The following SGK1 variants were observed in gnomAD, a reference collection of about 807,000 sequenced individuals.
The protein encoded by SGK1 is serine/threonine-protein kinase Sgk1.
A neutral mutation model predicts 64.2 loss-of-function variants in SGK1; 26 were observed. The ratio of observed to expected loss-of-function variants is 0.40; its 90% confidence interval spans 0.30 to 0.56. The LOEUF (loss-of-function observed/expected upper bound fraction) is 0.56. SGK1 is among the 20% of genes least tolerant of loss of function. The pLI, the probability that SGK1 is intolerant of heterozygous loss-of-function variation, is 0.38. For missense variants in SGK1, 519 were observed against 645.6 expected, an observed-to-expected ratio of 0.80 and a Z score of 2.12; for synonymous variants, 265 against 239.7, an observed-to-expected ratio of 1.11 and a Z score of -0.98.
intron 3 of SGK1, among the ~76,000 whole-genome samples, chr6:134,206,383 ATTTTTTTTTT>A (rs869072819): frequency 7.6e-3 from 125 of 16,522 alleles, no homozygotes; most frequent in African/African-American, 0.023. Flanking sequence ...ATATATATAT[ATTTTTTTTTT>A]TTTTTTTTTT....
intron 2 of SGK1, among the ~76,000 whole-genome samples, chr6:134,211,920 C>A (rs540039666): frequency 6.6e-6 from 1 of 150,868 alleles, no homozygotes. Flanking sequence ...CCTGACTAAG[C>A]AGCCTCAGTA....
At chr6:134,232,173 G>A (rs1269617423) in intron 2 of SGK1, among the ~76,000 whole-genome samples, 1 of 151,586 alleles carries the variant, frequency 6.6e-6, no homozygotes, top group Non-Finnish European at 1.5e-5. Context: ...TGGAGCACGA[G>A]GTCGAGAGTT....
At chr6:134,220,098 GAA>G (rs1776066366) in intron 2 of SGK1, among the ~76,000 whole-genome samples, 2 of 120,762 alleles carry the variant, frequency 1.7e-5, no homozygotes, top group Admixed American at 1.8e-4. Context: ...GAAAAGAAAA[GAA>G]AAGAAAAACA....
intron 2 of SGK1, among the ~76,000 whole-genome samples, chr6:134,256,088 C>CTTTTT (rs68106923): frequency 1.8e-4 from 25 of 139,192 alleles, no homozygotes; most frequent in Non-Finnish European, 2.3e-4. Flanking sequence ...GTCCTTTTTC[C>CTTTTT]TTTTTTTTTT....
intron 1 of SGK1, chr6:134,297,899 C>T: frequency 1.2e-6 from 1 of 810,260 alleles, no homozygotes; most frequent in Admixed American, 1.7e-5. Flanking sequence ...CAGCCTCACT[C>T]CGGCTGCGGT....
chr6:134,245,590 A>T (rs1028659305), intron 2 of SGK1, among the ~76,000 whole-genome samples: 2 of 152,222 alleles, frequency 1.3e-5, no homozygotes, highest in African/African-American at 2.4e-5. Context: ...CATGGTGGCT[A>T]ATGCCTGTTA....
intron 1 of SGK1, among the ~76,000 whole-genome samples, chr6:134,267,864 T>C (rs1274965592): frequency 6.6e-6 from 1 of 152,196 alleles, no homozygotes; most frequent in Non-Finnish European, 1.5e-5. Flanking sequence ...ACCGGACTGT[T>C]GCTGAATTTT....
rs932699860 is a variant in SGK1 at position 134,215,210 on chromosome 6, G to C, written c.286-7779C>G. The C allele has an allele frequency of 1.3e-5, 5 of 397,666 alleles. No individual in the cohort carries two copies. In the East Asian group the frequency reaches 2.1e-4, roughly 17 times the overall value. The allele number at this position is 397,666 out of a possible 1,614,324, so 24.6% of individuals were successfully genotyped here. ...GGCTGACTACAACCTCCGCCTCCTG[G>C]GTTCAAGCAATTCTCGTGCCTCAGC... On this transcript the variant is annotated intron_variant, in intron 2 of 13. Transcript: ENST00000367858.
intron 2 of SGK1, among the ~76,000 whole-genome samples, chr6:134,243,974 T>C (rs1776486780): frequency 6.6e-6 from 1 of 152,230 alleles, no homozygotes; most frequent in African/African-American, 2.4e-5. Context: ...CATTTATTTA[T>C]TTTATTTATT....
In SGK1 at chr6:134,173,567, C is replaced by T; in HGVS notation, c.514-1G>A. The T allele has an allele frequency of 6.5e-7, 1 of 1,547,946 alleles. No homozygotes were observed. The highest frequency in any genetic ancestry group is 8.7e-7 in the Non-Finnish European group (1 of 1,143,532). ...GGTTGATTTGCTGAGAAGGACTTGGCTAGAAAAAAAAAAAAAGAATTTCTT... is the reference window on the plus strand; with the variant it reads ...GGTTGATTTGCTGAGAAGGACTTGGTTAGAAAAAAAAAAAAAGAATTTCTT... On this transcript the variant is annotated splice_acceptor_variant, in intron 5 of 13. Transcript: ENST00000367858. LOFTEE classifies it high-confidence loss of function.
intron 3 of SGK1, among the ~76,000 whole-genome samples, chr6:134,202,564 C>T (rs537672159): frequency 6.6e-6 from 1 of 152,200 alleles, no homozygotes; most frequent in African/African-American, 2.4e-5. Context: ...AGGAGAATTG[C>T]TTATACCCGG....
At chr6:134,232,417 A>G (rs9402575) in intron 2 of SGK1, among the ~76,000 whole-genome samples, 3 of 21,506 alleles carry the variant, frequency 1.4e-4, no homozygotes, top group Admixed American at 4.1e-4. Context: ...AAGAAAGAGA[A>G]AGAAAGAAAG....
At chr6:134,273,592 C>CAAAAAAAAAAAAAAAAAAAAAAAAAAAA in intron 1 of SGK1, among the ~76,000 whole-genome samples, 1 of 16,222 alleles carries the variant, frequency 6.2e-5, no homozygotes, top group Non-Finnish European at 1.2e-4. Context: ...GACTCCGTCT[C>CAAAAAAAAAAAAAAAAAAAAAAAAAAAA]AAAAAAAAAA....
intron 2 of SGK1, among the ~76,000 whole-genome samples, chr6:134,240,104 C>T (rs1776420704): frequency 6.6e-6 from 1 of 151,970 alleles, no homozygotes; most frequent in South Asian, 2.1e-4. Context: ...CCAGCCTGGC[C>T]AACATGGTGA....
chr6:134,300,554 A>G (rs1020986559), intron 1 of SGK1, among the ~76,000 whole-genome samples: 1 of 148,216 alleles, frequency 6.7e-6, no homozygotes, highest in East Asian at 2.0e-4. Flanking sequence ...AAAAAAAAAA[A>G]GAAAGAAAGA....
At position 134,256,035 on chromosome 6, in the gene SGK1, T is replaced by C. The variant is rs565938807; in HGVS notation, c.285+5898A>G. The stretch of plus-strand genomic sequence containing the variant: ...CATGAAGATTTGTGAATGTTTTATC[T>C]TCTTGGTAGATATTTTTCTTCAACA... On this transcript the variant is annotated intron_variant, in intron 2 of 13. Coordinates refer to ENST00000367858, the MANE Select transcript of SGK1 (RefSeq NM_001143676.3). Among the ~76,000 whole-genome samples, 8 of 152,272 alleles carry C rather than the reference T, an allele frequency of 5.3e-5. No homozygotes were observed. In the South Asian group the frequency reaches 1.7e-3, roughly 32 times the overall value.
At chr6:134,184,182 T>C (rs1387714904) in intron 3 of SGK1, among the ~76,000 whole-genome samples, 1 of 151,994 alleles carries the variant, frequency 6.6e-6, no homozygotes, top group Non-Finnish European at 1.5e-5. Flanking sequence ...TGGCTCCTTC[T>C]TGTCATTCGG....
At chr6:134,176,616 G>A (rs1286811932) in intron 3 of SGK1, among the ~76,000 whole-genome samples, 1 of 152,208 alleles carries the variant, frequency 6.6e-6, no homozygotes, top group African/African-American at 2.4e-5. Flanking sequence ...GTTGCTGTCT[G>A]CGGTGGCTGC....
At chr6:134,240,875 C>T (rs527856624) in intron 2 of SGK1, among the ~76,000 whole-genome samples, 2 of 152,116 alleles carry the variant, frequency 1.3e-5, no homozygotes, top group South Asian at 2.1e-4. Context: ...GCAAAGTTGG[C>T]GAAGTTCTTG....
Sources: allele counts gnomAD v4.1 joint callset (sites outside exome capture counted in the v4.1 genomes callset), GRCh38; gene constraint gnomAD v4.1.1; transcripts MANE v1.5; gene names NCBI Gene and HGNC (gene_info 2026-07-23, HGNC 2026-07-21).